Variants in YAP1 observed in about 807,000 individuals in gnomAD.
YAP1 encodes Yes1 associated transcriptional regulator.
A neutral mutation model predicts 56.9 loss-of-function variants in YAP1; 5 were observed. The observed-to-expected ratio is 0.09, with a 90% CI of 0.05 to 0.18. The LOEUF (loss-of-function observed/expected upper bound fraction) is 0.18, where lower values mean the gene tolerates loss of function less well. Ranked by LOEUF, YAP1 falls within the 10% of genes least tolerant of loss-of-function variation. The pLI, the probability that YAP1 is intolerant of heterozygous loss-of-function variation, is 1.00. For synonymous variants in YAP1, 265 were observed against 248.1 expected (o/e 1.07, Z -0.64); for missense variants, 539 against 651.8 (o/e 0.83, Z 1.88).
intron 3 of YAP1, among the ~76,000 whole-genome samples, chr11:102,167,915 C>T (rs1445183497): frequency 6.6e-6 from 1 of 152,104 alleles, no homozygotes; most frequent in East Asian, 1.9e-4. Flanking sequence ...GGTGGCCACA[C>T]ACCTGTGGTG....
At chr11:102,163,663 G>A (rs920614561) in intron 3 of YAP1, among the ~76,000 whole-genome samples, 1 of 152,208 alleles carries the variant, frequency 6.6e-6, no homozygotes, top group African/African-American at 2.4e-5. Context: ...AGCATATTTA[G>A]TAGCTACACA....
intron 3 of YAP1, among the ~76,000 whole-genome samples, chr11:102,171,178 A>G (rs1946880819): frequency 6.6e-6 from 1 of 152,202 alleles, no homozygotes; most frequent in South Asian, 2.1e-4. Flanking sequence ...TTTAAGAACC[A>G]GCTCAAATGC....
chr11:102,136,383 T>C (rs1381072950), intron 2 of YAP1, among the ~76,000 whole-genome samples: 2 of 151,398 alleles, frequency 1.3e-5, no homozygotes, highest in Non-Finnish European at 2.9e-5. Flanking sequence ...CTCCGTCGCC[T>C]AGGCTGGAGT....
At position 102,141,054 on chromosome 11, in the gene YAP1, C is replaced by G. The variant is rs189488969; in HGVS notation, c.573-21402C>G. On this transcript the variant is annotated intron_variant, in intron 2 of 8. Coordinates refer to ENST00000282441, the MANE Select transcript of YAP1 (RefSeq NM_001130145.3). ...TGTTGCCTCACCTTTGTGCCTCACC[C>G]CCATCTTTTCCGGAACGATTTAAAT... Among the ~76,000 whole-genome samples the G allele has an allele frequency of 6.6e-3, 1,012 of 152,218 alleles. 9 individuals carry two copies. The highest frequency in any genetic ancestry group is 0.01 in the Non-Finnish European group (702 of 68,000).
chr11:102,213,587 C>A (rs1388299263), intron 6 of YAP1, among the ~76,000 whole-genome samples: 2 of 152,142 alleles, frequency 1.3e-5, no homozygotes, highest in East Asian at 1.9e-4. Context: ...TGGTCAGTAG[C>A]CTTTTCACTC....
intron 6 of YAP1, among the ~76,000 whole-genome samples, chr11:102,220,467 A>G (rs756983199): frequency 6.6e-6 from 1 of 152,188 alleles, no homozygotes; most frequent in Admixed American, 6.5e-5. Context: ...AAATGGAACA[A>G]ATACACTTTG....
At chr11:102,210,129 T>TG (rs1949322821) in intron 6 of YAP1, among the ~76,000 whole-genome samples, 1 of 152,226 alleles carries the variant, frequency 6.6e-6, no homozygotes, top group Admixed American at 6.5e-5. Flanking sequence ...CAGGGAGCCC[T>TG]GGTTGTGAAG....
In YAP1 at chr11:102,111,088, G is replaced by A; in HGVS notation, c.240G>A (p.Val80=). 3.7e-6 allele frequency: 6 copies of A among 1,613,456 alleles called. No homozygotes were observed. Among genetic ancestry groups the A allele is most frequent in the Non-Finnish European group, 5.1e-6 (6 of 1,179,866 alleles). ...TCATGAACCCCAAGACGGCCAACGT[G>A]CCCCAGACCGTGCCCATGAGGCTCC... ...NAVMNPKTAN[V]PQTVPMRLRK... The change falls in exon 1 of 9, where the codon GTG becomes GTA. Residue 80 remains valine, a synonymous_variant. Coordinates refer to ENST00000282441, the MANE Select transcript of YAP1 (RefSeq NM_001130145.3).
At chr11:102,194,960 G>T (rs918626395) in intron 4 of YAP1, among the ~76,000 whole-genome samples, 6 of 151,954 alleles carry the variant, frequency 3.9e-5, no homozygotes, top group African/African-American at 1.5e-4. Context: ...GTATCTCTGT[G>T]TTGCTCAGTC....
chr11:102,225,666 A>G (rs1450714977), intron 7 of YAP1, among the ~76,000 whole-genome samples: 1 of 152,164 alleles, frequency 6.6e-6, no homozygotes, highest in Non-Finnish European at 1.5e-5. Context: ...GCTCACTCAG[A>G]TGTCCCCCTC....
intron 6 of YAP1, among the ~76,000 whole-genome samples, chr11:102,215,060 A>G (rs1371429153): frequency 6.6e-6 from 1 of 152,246 alleles, no homozygotes; most frequent in Non-Finnish European, 1.5e-5. Context: ...ATTAAAAAAC[A>G]TAAAGCATTG....
chr11:102,124,775 G>T (rs183038460), intron 2 of YAP1, among the ~76,000 whole-genome samples: 2 of 152,198 alleles, frequency 1.3e-5, no homozygotes, highest in Admixed American at 1.3e-4. Flanking sequence ...TCACTCTGCT[G>T]CCCAGGTTCG....
chr11:102,170,151 T>G (rs1201000873), intron 3 of YAP1, among the ~76,000 whole-genome samples: 2 of 152,194 alleles, frequency 1.3e-5, no homozygotes, highest in African/African-American at 4.8e-5. Flanking sequence ...ATGGCTTTGA[T>G]TTTACTCTGA....
rs1219735540 is a variant in YAP1, at chr11:102,149,768, T to G, written c.573-12688T>G. Among the ~76,000 whole-genome samples the G allele has an allele frequency of 2.0e-5, 3 of 152,120 alleles. 1 individual carries two copies. Among genetic ancestry groups the G allele is most frequent in the Admixed American group, 2.0e-4 (3 of 15,248 alleles). On this transcript the variant is annotated intron_variant, in intron 2 of 8. Transcript: ENST00000282441. ...AAGATTAAATTAATTTTCCTCCTCT[T>G]TCTTGTTCTGTTGCAACTTTGGACT... is the stretch of plus-strand genomic sequence containing the variant.
At chr11:102,160,018 ATTTTT>A (rs34332940) in intron 2 of YAP1, among the ~76,000 whole-genome samples, 1 of 108,980 alleles carries the variant, frequency 9.2e-6, no homozygotes. Context: ...TACATAAAGG[ATTTTT>A]TTTTTTTTTT....
rs184434607 is a variant in YAP1, at chr11:102,128,004, A to G, written c.572+13610A>G. On this transcript the variant is annotated intron_variant, in intron 2 of 8. Transcript: ENST00000282441. Reference sequence around the variant, plus strand: ...ATGGCTGTATTTACCCAGTACCTGTACCCGCATTGTATCTAGGAAGTAACT... The same window carrying G: ...ATGGCTGTATTTACCCAGTACCTGTGCCCGCATTGTATCTAGGAAGTAACT... 1.0e-3 allele frequency among the ~76,000 whole-genome samples: 153 copies of G among 152,206 alleles called. 1 individual carries two copies. The highest frequency in any genetic ancestry group is 3.4e-3 in the Middle Eastern group (1 of 294).
intron 6 of YAP1, among the ~76,000 whole-genome samples, chr11:102,221,983 C>G (rs1690493037): frequency 1.3e-5 from 2 of 151,900 alleles, no homozygotes; most frequent in African/African-American, 4.8e-5. Context: ...AGTTCAGAGA[C>G]TCTCTGAATT....
chr11:102,197,586 C>T (rs1270686719), intron 4 of YAP1, among the ~76,000 whole-genome samples: 1 of 152,132 alleles, frequency 6.6e-6, no homozygotes, highest in Non-Finnish European at 1.5e-5. Flanking sequence ...ATTGCTCAGT[C>T]ATTGGTTTTC....
At chr11:102,115,958 A>G (rs1474871425) in intron 2 of YAP1, among the ~76,000 whole-genome samples, 3 of 152,232 alleles carry the variant, frequency 2.0e-5, no homozygotes, top group Non-Finnish European at 2.9e-5. Context: ...TGCTGTGGCT[A>G]AAAGTATAAG....
Sources: allele counts gnomAD v4.1 joint callset (sites outside exome capture counted in the v4.1 genomes callset), GRCh38; gene constraint gnomAD v4.1.1; transcripts MANE v1.5; gene names NCBI Gene and HGNC (gene_info 2026-07-23, HGNC 2026-07-21).